The following STPG2 variants were observed in gnomAD, a reference collection of about 807,000 sequenced individuals.
The protein encoded by STPG2 is sperm tail PG-rich repeat containing 2.
Under a neutral mutation model 54.2 loss-of-function variants are expected in STPG2, and 56 were observed. The ratio of observed to expected loss-of-function variants is 1.03; its 90% CI spans 0.83 to 1.29. The LOEUF (loss-of-function observed/expected upper bound fraction) is 1.29. STPG2 is among the 50% of genes most tolerant of loss of function. STPG2 has a pLI of 0.00. For synonymous variants in STPG2, 200 were observed against 181.8 expected (o/e 1.10, Z -0.81); for missense variants, 596 against 544.9 (o/e 1.09, Z -0.93).
intron 10 of STPG2, among the ~76,000 whole-genome samples, chr4:97,621,641 C>T (rs182620377): frequency 1.5e-4 from 23 of 152,170 alleles, no homozygotes; most frequent in African/African-American, 5.3e-4. Context: ...AATAAAAAGC[C>T]TACCAGTGAA....
intron 2 of STPG2, 89 bp from the exon 3 acceptor site, chr4:98,128,681 A>G: frequency 9.5e-7 from 1 of 1,051,678 alleles, no homozygotes; most frequent in Non-Finnish European, 1.3e-6. Context: ...AAAGGCAACT[A>G]TTAAATATTG....
chr4:97,572,282 GT>G (rs1732620434), intron 10 of STPG2, among the ~76,000 whole-genome samples: 1 of 152,076 alleles, frequency 6.6e-6, no homozygotes, highest in South Asian at 2.1e-4. Flanking sequence ...CAGCCATTCA[GT>G]TACTTCAGCA....
At chr4:97,738,473 C>G (rs938203257) in intron 9 of STPG2, among the ~76,000 whole-genome samples, 2 of 152,080 alleles carry the variant, frequency 1.3e-5, no homozygotes, top group African/African-American at 4.8e-5. Context: ...ACCCATCTCA[C>G]GTGCAGAGAC....
At chr4:97,517,572 A>C (rs1731100705) in intron 4 of STPG2, among the ~76,000 whole-genome samples, 1 of 151,354 alleles carries the variant, frequency 6.6e-6, no homozygotes, top group Admixed American at 6.6e-5. Context: ...CAGGTCAGTT[A>C]GCTTTTAAAC....
At chr4:97,448,690 A>G (rs988027847) in intron 4 of STPG2, among the ~76,000 whole-genome samples, 1 of 152,116 alleles carries the variant, frequency 6.6e-6, no homozygotes, top group Non-Finnish European at 1.5e-5. Context: ...TAAATTACCC[A>G]GTCTTGTGTA....
chr4:97,781,232 A>C (rs1726598803), intron 9 of STPG2, among the ~76,000 whole-genome samples: 1 of 152,220 alleles, frequency 6.6e-6, no homozygotes, highest in Non-Finnish European at 1.5e-5. Context: ...GATGCAATAA[A>C]AAACGATAAA....
chr4:97,879,844 T>C (rs1432879091), intron 8 of STPG2, among the ~76,000 whole-genome samples: 4 of 152,184 alleles, frequency 2.6e-5, no homozygotes, highest in Admixed American at 2.6e-4. Flanking sequence ...TGTATACTAT[T>C]GGTAGGAATA....
At chr4:97,732,239 C>T (rs1047803707) in intron 9 of STPG2, among the ~76,000 whole-genome samples, 2 of 152,186 alleles carry the variant, frequency 1.3e-5, no homozygotes, top group Non-Finnish European at 2.9e-5. Context: ...TCCATCTCCT[C>T]TCTGGGAAGC....
chr4:97,852,669 T>C (rs1349228300), intron 8 of STPG2, among the ~76,000 whole-genome samples: 1 of 152,140 alleles, frequency 6.6e-6, no homozygotes, highest in Non-Finnish European at 1.5e-5. Flanking sequence ...AATTATGTAG[T>C]TATATTGAGA....
chr4:97,699,504 G>GCA (rs1723696025), intron 10 of STPG2, among the ~76,000 whole-genome samples: 7 of 152,112 alleles, frequency 4.6e-5, no homozygotes, highest in Non-Finnish European at 1.5e-5. Context: ...CTTCTTCCAA[G>GCA]TCCCTGACCA....
At chr4:97,489,227 A>T (rs1211964143) in intron 4 of STPG2, among the ~76,000 whole-genome samples, 1 of 151,754 alleles carries the variant, frequency 6.6e-6, no homozygotes, top group Non-Finnish European at 1.5e-5. Flanking sequence ...CTATAAGTCC[A>T]TTAGACCTCT....
intron 8 of STPG2, among the ~76,000 whole-genome samples, chr4:97,938,646 A>C (rs2149226536): frequency 6.6e-6 from 1 of 152,250 alleles, no homozygotes; most frequent in African/African-American, 2.4e-5. Flanking sequence ...CTGTGGAAAA[A>C]GCAGAGCTTC....
chr4:97,607,613 C>T (rs1733628138), intron 10 of STPG2, among the ~76,000 whole-genome samples: 3 of 151,958 alleles, frequency 2.0e-5, no homozygotes, highest in Non-Finnish European at 2.9e-5. Flanking sequence ...ATACATTGCC[C>T]GAACTAACTA....
At chr4:97,862,908 G>T (rs949389676) in intron 8 of STPG2, among the ~76,000 whole-genome samples, 1 of 152,124 alleles carries the variant, frequency 6.6e-6, no homozygotes, top group African/African-American at 2.4e-5. Context: ...CAAGAACAAA[G>T]ACACAACATA....
chr4:97,762,460 T>C lies in STPG2; in HGVS notation c.1205-49646A>G, dbSNP rs188966071. Among the ~76,000 whole-genome samples, 527 of 152,154 alleles carry C rather than the reference T, an allele frequency of 3.5e-3. 2 individuals carry two copies. The highest frequency in any genetic ancestry group is 6.8e-3 in the Middle Eastern group (2 of 294). ...TGGGGACAGTTAAAAGAATGAGAGTTTTTGGCCTAACAGGATGCTTCCTCC... is the reference window on the plus strand; with the variant it reads ...TGGGGACAGTTAAAAGAATGAGAGTCTTTGGCCTAACAGGATGCTTCCTCC... On this transcript the variant is annotated intron_variant, in intron 9 of 10. Coordinates refer to ENST00000295268, the MANE Select transcript of STPG2 (RefSeq NM_174952.3).
chr4:97,975,713 C>T (rs1734477061), intron 6 of STPG2, among the ~76,000 whole-genome samples: 1 of 152,154 alleles, frequency 6.6e-6, no homozygotes, highest in African/African-American at 2.4e-5. Flanking sequence ...AGTCCTGCCA[C>T]TAAATAGATA....
At chr4:97,825,346 CT>C (rs1049641501) in intron 9 of STPG2, among the ~76,000 whole-genome samples, 6 of 152,084 alleles carry the variant, frequency 3.9e-5, no homozygotes, top group African/African-American at 1.4e-4. Flanking sequence ...AGGAAATTTA[CT>C]TTTGGGGATA....
chr4:97,808,425 A>G (rs905302236), intron 9 of STPG2, among the ~76,000 whole-genome samples: 1 of 152,136 alleles, frequency 6.6e-6, no homozygotes, highest in Middle Eastern at 3.4e-3. Context: ...TGAAAGAGGT[A>G]ATCGCTAACT....
chr4:97,835,275 T>C (rs531778956), intron 9 of STPG2, among the ~76,000 whole-genome samples: 1 of 152,230 alleles, frequency 6.6e-6, no homozygotes, highest in Non-Finnish European at 1.5e-5. Context: ...GCCATGGCAA[T>C]GTCATAAAGT....
Sources: allele counts gnomAD v4.1 joint callset (sites outside exome capture counted in the v4.1 genomes callset), GRCh38; gene constraint gnomAD v4.1.1; transcripts MANE v1.5; gene names NCBI Gene and HGNC (gene_info 2026-07-23, HGNC 2026-07-21).